Variants in ERBB4 observed in about 807,000 individuals in gnomAD.
ERBB4 encodes the protein receptor tyrosine-protein kinase erbB-4.
Under a neutral mutation model 158.0 loss-of-function variants are expected in ERBB4, and 42 were observed. That is an observed-to-expected ratio of 0.27 (90% CI 0.21 to 0.34). The LOEUF (loss-of-function observed/expected upper bound fraction) is 0.34. ERBB4 is among the 10% of genes least tolerant of loss of function. The pLI is 1.00. For missense variants in ERBB4, 1,333 were observed against 1,624.1 expected (o/e 0.82, Z 3.08); for synonymous variants, 583 against 558.7 (o/e 1.04, Z -0.61).
At chr2:211,830,310 A>G (rs955546570) in intron 3 of ERBB4, among the ~76,000 whole-genome samples, 1 of 152,100 alleles carries the variant, frequency 6.6e-6, no homozygotes, top group African/African-American at 2.4e-5. Flanking sequence ...CCTGATCTCT[A>G]TGCTAACAAC....
intron 20 of ERBB4, among the ~76,000 whole-genome samples, chr2:211,543,587 A>T (rs906755510): frequency 2.0e-5 from 3 of 151,682 alleles, no homozygotes; most frequent in Admixed American, 2.0e-4. Context: ...CTTTTGTGGC[A>T]TTTTTTTTAA....
intron 1 of ERBB4, among the ~76,000 whole-genome samples, chr2:212,132,944 A>C (rs536399373): frequency 5.3e-5 from 8 of 152,258 alleles, no homozygotes; most frequent in African/African-American, 1.9e-4. Context: ...ATCTGTACTT[A>C]ATCTCCAAAT....
At chr2:211,719,956 CA>C (rs1559455409) in intron 7 of ERBB4, among the ~76,000 whole-genome samples, 7 of 151,324 alleles carry the variant, frequency 4.6e-5, no homozygotes, top group Admixed American at 3.9e-4. Flanking sequence ...TTAATGAAGT[CA>C]CATTTAAGGG....
intron 1 of ERBB4, among the ~76,000 whole-genome samples, chr2:212,370,119 G>A (rs1437463242): frequency 1.2e-4 from 19 of 152,064 alleles, no homozygotes; most frequent in Admixed American, 1.3e-4. Context: ...GCAGGTCCAG[G>A]TAGAGATAAT....
intron 25 of ERBB4, among the ~76,000 whole-genome samples, chr2:211,402,680 C>T (rs570165037): frequency 5.3e-5 from 8 of 151,846 alleles, no homozygotes; most frequent in Admixed American, 2.0e-4. Flanking sequence ...TCATCCTAAG[C>T]GTATAGACAA....
chr2:212,286,697 G>A (rs1437801367), intron 1 of ERBB4, among the ~76,000 whole-genome samples: 1 of 134,260 alleles, frequency 7.4e-6, no homozygotes, highest in African/African-American at 2.8e-5. Context: ...GACCTCCTGA[G>A]TTCACACAAT....
At chr2:212,180,821 C>G (rs963902390) in intron 1 of ERBB4, among the ~76,000 whole-genome samples, 5 of 151,648 alleles carry the variant, frequency 3.3e-5, no homozygotes, top group African/African-American at 1.2e-4. Context: ...TTTGATTACA[C>G]TCTTGGGGAC....
chr2:211,792,723 C>A (rs1233877271), intron 3 of ERBB4, among the ~76,000 whole-genome samples: 2 of 151,806 alleles, frequency 1.3e-5, no homozygotes, highest in East Asian at 3.9e-4. Context: ...GCCAATATGA[C>A]ATTTGAAAAA....
chr2:212,340,633 CAGGT>C (rs970325459), intron 1 of ERBB4, among the ~76,000 whole-genome samples: 33 of 152,282 alleles, frequency 2.2e-4, no homozygotes, highest in African/African-American at 7.9e-4. Flanking sequence ...GCTGATCTGA[CAGGT>C]AGGCAGTCTC....
rs894224601 is a variant in ERBB4 at position 212,220,357 on chromosome 2, G to A, written c.83-95454C>T. Among the ~76,000 whole-genome samples, 3 of 151,352 alleles carry A rather than the reference G, an allele frequency of 2.0e-5. No homozygotes were observed. The Admixed American group carries it at 2.0e-4, about 10-fold the overall frequency. ...TCTAAACACATAAGTACACTATCAA[G>A]TGGACACAAATAAGCATACACAAAG... On this transcript the variant is annotated intron_variant, in intron 1 of 27. Coordinates refer to ENST00000342788, the MANE Select transcript of ERBB4 (RefSeq NM_005235.3).
At chr2:212,175,314 A>T (rs1470009455) in intron 1 of ERBB4, among the ~76,000 whole-genome samples, 1 of 152,040 alleles carries the variant, frequency 6.6e-6, no homozygotes, top group Non-Finnish European at 1.5e-5. Context: ...GTCTAGAACT[A>T]TACAATACCA....
chr2:211,471,713 A>G (rs1311643432), intron 20 of ERBB4, among the ~76,000 whole-genome samples: 1 of 152,138 alleles, frequency 6.6e-6, no homozygotes, highest in African/African-American at 2.4e-5. Flanking sequence ...GGTTGAACCC[A>G]GTCTCCATGG....
intron 3 of ERBB4, among the ~76,000 whole-genome samples, chr2:211,899,160 A>G (rs1018506562): frequency 6.6e-6 from 1 of 152,136 alleles, no homozygotes; most frequent in South Asian, 2.1e-4. Context: ...TGGAAGTTAT[A>G]ATAATCAGCC....
At chr2:211,501,348 T>G (rs1219480903) in intron 20 of ERBB4, among the ~76,000 whole-genome samples, 1 of 151,846 alleles carries the variant, frequency 6.6e-6, no homozygotes, top group Non-Finnish European at 1.5e-5. Flanking sequence ...GGAATGAAAT[T>G]GGAATGGTCC....
chr2:211,716,539 G>A (rs1208545293), intron 7 of ERBB4, among the ~76,000 whole-genome samples: 59 of 150,792 alleles, frequency 3.9e-4, no homozygotes, highest in African/African-American at 1.3e-3. Flanking sequence ...AGCCGGGCCT[G>A]GTGGCGGGCG....
intron 20 of ERBB4, among the ~76,000 whole-genome samples, chr2:211,468,727 T>TA (rs1453914005): frequency 6.6e-6 from 1 of 152,018 alleles, no homozygotes; most frequent in Non-Finnish European, 1.5e-5. Context: ...AAAATGGGAT[T>TA]ACTACTTTAC....
At chr2:212,273,767 T>C (rs1218340662) in intron 1 of ERBB4, among the ~76,000 whole-genome samples, 1 of 151,744 alleles carries the variant, frequency 6.6e-6, no homozygotes, top group Non-Finnish European at 1.5e-5. Flanking sequence ...CTTCACACCT[T>C]TGTAAGGAAA....
rs77164643 is a variant in ERBB4 at position 211,902,338 on chromosome 2, T to C, written c.421+45092A>G. 4.6e-3 allele frequency among the ~76,000 whole-genome samples: 705 copies of C among 152,056 alleles called. 4 individuals are homozygous for C. Among genetic ancestry groups the C allele is most frequent in the African/African-American group, 0.016 (672 of 41,506 alleles). ...TTTTTTCTAACAGTAAACACAGAAA[T>C]AAAACAACAAGCAAGCATTTTTAAT... On this transcript the variant is annotated intron_variant, in intron 3 of 27. Transcript: ENST00000342788.
chr2:211,450,956 A>T (rs1317631277), intron 20 of ERBB4, among the ~76,000 whole-genome samples: 1 of 152,216 alleles, frequency 6.6e-6, no homozygotes, highest in Non-Finnish European at 1.5e-5. Flanking sequence ...GCATATCGTA[A>T]GTGGATAATC....
Sources: allele counts gnomAD v4.1 joint callset (sites outside exome capture counted in the v4.1 genomes callset), GRCh38; gene constraint gnomAD v4.1.1; transcripts MANE v1.5; gene names NCBI Gene and HGNC (gene_info 2026-07-23, HGNC 2026-07-21).